Variants in PTPRD observed in about 807,000 individuals in gnomAD.
The protein encoded by PTPRD is protein tyrosine phosphatase receptor type D.
In PTPRD, 34 loss-of-function variants were observed where a neutral mutation model predicts 214.5. The observed-to-expected ratio is 0.16, with a 90% CI of 0.12 to 0.21. The LOEUF is 0.21. Among genes scored for constraint, PTPRD ranks in the 10% least tolerant of loss-of-function variants. The pLI is 1.00. For missense variants in PTPRD, 2,545 were observed against 2,398.7 expected, an observed-to-expected ratio of 1.06 and a Z score of -1.27; for synonymous variants, 1,128 against 845.7, an observed-to-expected ratio of 1.33 and a Z score of -5.79.
chr9:9,402,977 A>AAAC (rs1431387619), intron 8 of PTPRD, among the ~76,000 whole-genome samples: 17 of 145,444 alleles, frequency 1.2e-4, no homozygotes, highest in African/African-American at 4.2e-4. Context: ...AAAAAAAAAA[A>AAAC]AAAAAAAAAA....
At chr9:9,965,688 G>A (rs1472364702) in intron 4 of PTPRD, among the ~76,000 whole-genome samples, 4 of 152,056 alleles carry the variant, frequency 2.6e-5, no homozygotes, top group South Asian at 2.1e-4. Flanking sequence ...TTGAAACATC[G>A]GCTTTTAAAT....
chr9:8,947,802 G>A (rs1396240192), intron 11 of PTPRD, among the ~76,000 whole-genome samples: 3 of 152,100 alleles, frequency 2.0e-5, no homozygotes, highest in Admixed American at 6.6e-5. Flanking sequence ...TACAACAGAC[G>A]TATTTTTGGC....
At chr9:8,463,329 A>T (rs1022635798) in intron 32 of PTPRD, among the ~76,000 whole-genome samples, 1 of 150,706 alleles carries the variant, frequency 6.6e-6, no homozygotes. Context: ...AAAAAAAAAA[A>T]AAAAAGATGT....
intron 5 of PTPRD, among the ~76,000 whole-genome samples, chr9:9,822,575 A>AT (rs1281687141): frequency 3.3e-5 from 5 of 149,790 alleles, no homozygotes; most frequent in East Asian, 1.9e-4. Flanking sequence ...TCATCCATTT[A>AT]TTTTTTTCCT....
chr9:8,596,708 C>T lies in PTPRD; in HGVS notation c.352+36609G>A, dbSNP rs1056161542. ...CTAATATATTTAGACACATAAACTA[C>T]ATTTAATAAAATCTGTGTTAAGAGT... On this transcript the variant is annotated intron_variant, in intron 14 of 45. Transcript: ENST00000381196. Among the ~76,000 whole-genome samples the T allele has an allele frequency of 2.0e-5, 3 of 152,164 alleles. No individual in the cohort carries two copies. In the South Asian group the frequency reaches 6.2e-4, roughly 32 times the overall value.
intron 9 of PTPRD, among the ~76,000 whole-genome samples, chr9:9,338,294 T>A (rs538514759): frequency 6.6e-6 from 1 of 152,276 alleles, no homozygotes; most frequent in Non-Finnish European, 1.5e-5. Flanking sequence ...GGAATTCCAT[T>A]CTTAAGAATA....
chr9:9,863,606 G>T (rs2063270889), intron 5 of PTPRD, among the ~76,000 whole-genome samples: 2 of 152,108 alleles, frequency 1.3e-5, no homozygotes, highest in South Asian at 4.2e-4. Flanking sequence ...AGGCAAACTT[G>T]AGCCCATTGA....
chr9:9,477,509 T>C (rs571180551), intron 8 of PTPRD, among the ~76,000 whole-genome samples: 2 of 152,234 alleles, frequency 1.3e-5, no homozygotes, highest in Non-Finnish European at 2.9e-5. Context: ...TTTAAAGTTC[T>C]GATTATTCAT....
At chr9:10,303,296 C>T (rs2095927904) in intron 3 of PTPRD, among the ~76,000 whole-genome samples, 2 of 152,126 alleles carry the variant, frequency 1.3e-5, no homozygotes, top group South Asian at 4.1e-4. Flanking sequence ...TAAATACCCA[C>T]AGGAGAAAGC....
chr9:10,574,828 A>ATC (rs1202056907), intron 2 of PTPRD, among the ~76,000 whole-genome samples: 12 of 144,046 alleles, frequency 8.3e-5, no homozygotes, highest in South Asian at 2.3e-4. Flanking sequence ...ATATATATAT[A>ATC]TATATCTTAG....
intron 44 of PTPRD, among the ~76,000 whole-genome samples, chr9:8,323,435 T>C (rs1000943931): frequency 6.6e-6 from 1 of 152,160 alleles, no homozygotes; most frequent in Non-Finnish European, 1.5e-5. Context: ...AAATTGAAAA[T>C]TTACTGGAAG....
intron 2 of PTPRD, among the ~76,000 whole-genome samples, chr9:10,370,582 G>A (rs2097591400): frequency 6.6e-6 from 1 of 151,986 alleles, no homozygotes; most frequent in Non-Finnish European, 1.5e-5. Context: ...AAAATTAAAT[G>A]AAAATACATT....
intron 3 of PTPRD, among the ~76,000 whole-genome samples, chr9:10,316,190 T>G (rs1203940744): frequency 1.4e-5 from 2 of 139,212 alleles, no homozygotes; most frequent in African/African-American, 2.7e-5. Flanking sequence ...GATATACATA[T>G]ATATAGACAC....
In PTPRD at chr9:9,462,336, T is replaced by C. The variant is rs867168509; in HGVS notation, c.-236-64854A>G. Among the ~76,000 whole-genome samples, 11 of 152,268 alleles carry C rather than the reference T, an allele frequency of 7.2e-5. No homozygotes were observed. The South Asian group carries it at 8.3e-4, about 11-fold the overall frequency. ...GAATGGAACTGACATTCATTTGAAA[T>C]GTGAAATAATAGTTCTCATTTGTCA... On this transcript the variant is annotated intron_variant, in intron 8 of 45. Coordinates refer to ENST00000381196, the MANE Select transcript of PTPRD (RefSeq NM_002839.4).
chr9:10,598,965 G>C (rs1293444869), intron 2 of PTPRD, among the ~76,000 whole-genome samples: 2 of 151,580 alleles, frequency 1.3e-5, no homozygotes, highest in Non-Finnish European at 3.0e-5. Flanking sequence ...ACTAATAACA[G>C]CCACTCTCAA....
intron 11 of PTPRD, chr9:8,962,751 G>T (rs543343792): frequency 6.6e-6 from 1 of 152,092 alleles, no homozygotes; most frequent in African/African-American, 2.4e-5. Flanking sequence ...GGGGAATTTG[G>T]TTAGGATGAA....
At chr9:9,791,527 C>A (rs566891171) in intron 5 of PTPRD, among the ~76,000 whole-genome samples, 5 of 151,990 alleles carry the variant, frequency 3.3e-5, no homozygotes, top group African/African-American at 1.2e-4. Flanking sequence ...GTTCTATCAC[C>A]CCTGATGATA....
intron 12 of PTPRD, among the ~76,000 whole-genome samples, chr9:8,650,133 G>A (rs2096776769): frequency 6.6e-6 from 1 of 152,028 alleles, no homozygotes; most frequent in Non-Finnish European, 1.5e-5. Context: ...GCTCAGACTG[G>A]TCTCAAATTC....
intron 6 of PTPRD, among the ~76,000 whole-genome samples, chr9:9,753,217 A>G (rs562240887): frequency 2.6e-5 from 4 of 152,192 alleles, no homozygotes; most frequent in African/African-American, 7.2e-5. Context: ...GGCCCAGTAC[A>G]GAATCTATTC....
Sources: allele counts gnomAD v4.1 joint callset (sites outside exome capture counted in the v4.1 genomes callset), GRCh38; gene constraint gnomAD v4.1.1; transcripts MANE v1.5; gene names NCBI Gene and HGNC (gene_info 2026-07-23, HGNC 2026-07-21).